The following ENTREP2 variants were observed in gnomAD, a reference collection of about 807,000 sequenced individuals.
ENTREP2 encodes the protein endosomal transmembrane epsin interactor 2.
chr15:29,327,586 C>A, the ENTREP2 span, among the ~76,000 whole-genome samples: 192 of 144,094 alleles, frequency 1.3e-3, no homozygotes, highest in Non-Finnish European at 2.4e-3. Context: ...CAGAGCAAGA[C>A]CCCATCTCAA....
At chr15:29,133,063 T>G in the ENTREP2 span, among the ~76,000 whole-genome samples, 2 of 152,138 alleles carry the variant, frequency 1.3e-5, no homozygotes, top group Admixed American at 1.3e-4. Flanking sequence ...CCGGTGCCCC[T>G]GCTGGCTACA....
chr15:29,470,297 C>T, the ENTREP2 span, among the ~76,000 whole-genome samples: 131 of 152,160 alleles, frequency 8.6e-4, no homozygotes, highest in Non-Finnish European at 1.4e-3. Flanking sequence ...CAGTGCCAGC[C>T]CACTGAGGTC....
the ENTREP2 span, among the ~76,000 whole-genome samples, chr15:29,424,870 G>A: frequency 6.6e-6 from 1 of 152,144 alleles, no homozygotes; most frequent in Admixed American, 6.5e-5. Flanking sequence ...TCATGTCTGT[G>A]TCTCCAAGTA....
At chr15:29,200,678 C>G in the ENTREP2 span, among the ~76,000 whole-genome samples, 1 of 152,028 alleles carries the variant, frequency 6.6e-6, no homozygotes, top group Admixed American at 6.5e-5. Context: ...CCTGCCTCAG[C>G]CTCCTGAGTA....
At chr15:29,626,105 C>T in the ENTREP2 span, among the ~76,000 whole-genome samples, 2 of 152,196 alleles carry the variant, frequency 1.3e-5, no homozygotes, top group African/African-American at 4.8e-5. Flanking sequence ...CCTCGGCCTC[C>T]CAAACTTAGA....
At chr15:29,181,239 A>T in the ENTREP2 span, among the ~76,000 whole-genome samples, 1 of 152,198 alleles carries the variant, frequency 6.6e-6, no homozygotes, top group South Asian at 2.1e-4. Flanking sequence ...CAAGTAACCT[A>T]TAATCCACTG....
chr15:29,179,394 A>C, the ENTREP2 span, among the ~76,000 whole-genome samples: 1 of 152,206 alleles, frequency 6.6e-6, no homozygotes, highest in Non-Finnish European at 1.5e-5. Flanking sequence ...GAATAATGGC[A>C]CTTGGGAGCA....
At chr15:29,606,194 G>T in the ENTREP2 span, among the ~76,000 whole-genome samples, 1 of 150,718 alleles carries the variant, frequency 6.6e-6, no homozygotes, top group African/African-American at 2.4e-5. Flanking sequence ...ACAAATCTGG[G>T]CTAGTCGAAT....
the ENTREP2 span, among the ~76,000 whole-genome samples, chr15:29,409,501 T>C: frequency 6.6e-6 from 1 of 152,218 alleles, no homozygotes; most frequent in Non-Finnish European, 1.5e-5. Flanking sequence ...AATTTTTGTA[T>C]TTTTAGTAGA....
the ENTREP2 span, chr15:29,151,632 T>G: frequency 3.4e-6 from 3 of 889,170 alleles, no homozygotes; most frequent in Non-Finnish European, 5.4e-6. Context: ...TGCCATGGAC[T>G]GTCAGGGGCC....
the ENTREP2 span, among the ~76,000 whole-genome samples, chr15:29,470,582 G>A: frequency 6.6e-6 from 1 of 152,182 alleles, no homozygotes; most frequent in Non-Finnish European, 1.5e-5. Context: ...AAGCCCAGAC[G>A]CACTTCGAAA....
At chr15:29,443,442 A>C in the ENTREP2 span, among the ~76,000 whole-genome samples, 1 of 152,162 alleles carries the variant, frequency 6.6e-6, no homozygotes, top group Non-Finnish European at 1.5e-5. Flanking sequence ...ATTAGGAAAT[A>C]GCCAAGGAGC....
chr15:29,657,103 A>C, the ENTREP2 span, among the ~76,000 whole-genome samples: 3 of 152,110 alleles, frequency 2.0e-5, no homozygotes, highest in African/African-American at 4.8e-5. Flanking sequence ...GCCAGAGGGC[A>C]GTGGCGCGGT....
At chr15:29,571,971 T>C in the ENTREP2 span, among the ~76,000 whole-genome samples, 10 of 152,200 alleles carry the variant, frequency 6.6e-5, no homozygotes, top group Admixed American at 2.6e-4. Flanking sequence ...CTTCCGTGTC[T>C]TTCTAGCAGA....
chr15:29,206,027 C>T, the ENTREP2 span, among the ~76,000 whole-genome samples: 1 of 152,156 alleles, frequency 6.6e-6, no homozygotes, highest in Non-Finnish European at 1.5e-5. Flanking sequence ...GGGAGAGGGT[C>T]CCCACAACAC....
chr15:29,623,061 G>C, the ENTREP2 span, among the ~76,000 whole-genome samples: 2 of 152,218 alleles, frequency 1.3e-5, no homozygotes, highest in Non-Finnish European at 2.9e-5. Context: ...AAGCTATAAT[G>C]CTCCTTTATA....
At chr15:29,167,482 A>G in the ENTREP2 span, among the ~76,000 whole-genome samples, 1 of 152,236 alleles carries the variant, frequency 6.6e-6, no homozygotes, top group African/African-American at 2.4e-5. Flanking sequence ...AGAAAAAAAC[A>G]AAGAATCCCA....
the ENTREP2 span, among the ~76,000 whole-genome samples, chr15:29,506,426 C>T: frequency 1.3e-5 from 2 of 152,006 alleles, no homozygotes; most frequent in Non-Finnish European, 2.9e-5. Context: ...AGATACTCCT[C>T]GAGAAGAGCA....
At chr15:29,379,011 G>T in the ENTREP2 span, among the ~76,000 whole-genome samples, 1 of 152,236 alleles carries the variant, frequency 6.6e-6, no homozygotes, top group African/African-American at 2.4e-5. Context: ...GCACTGTTGT[G>T]GTCAACACAG....
Sources: allele counts gnomAD v4.1 joint callset (sites outside exome capture counted in the v4.1 genomes callset), GRCh38; gene constraint gnomAD v4.1.1; transcripts MANE v1.5; gene names NCBI Gene and HGNC (gene_info 2026-07-23, HGNC 2026-07-21).